The following HERC2 variants were observed in gnomAD, a reference collection of about 807,000 sequenced individuals.
HERC2 encodes E3 ubiquitin-protein ligase HERC2.
A neutral mutation model predicts 537.7 loss-of-function variants in HERC2; 102 were observed. The observed-to-expected ratio is 0.19, with a 90% CI of 0.16 to 0.22. The LOEUF (loss-of-function observed/expected upper bound fraction) is 0.22, where lower values mean the gene tolerates loss of function less well. Among genes scored for constraint, HERC2 ranks in the 10% least tolerant of loss-of-function variants. The probability of loss-of-function intolerance (pLI) is 1.00; values close to 1 mark genes in which losing one functional copy is unlikely to be tolerated. For missense variants in HERC2, 4,236 were observed against 6,198.2 expected, an observed-to-expected ratio of 0.68 and a Z score of 10.63; for synonymous variants, 2,224 against 2,466.2, an observed-to-expected ratio of 0.90 and a Z score of 2.91.
intron 38 of HERC2, among the ~76,000 whole-genome samples, chr15:28,218,106 T>A (rs1018169953): frequency 1.3e-5 from 2 of 151,250 alleles, no homozygotes; most frequent in African/African-American, 4.9e-5. Flanking sequence ...TTTGATGAGG[T>A]TGAATGATGT....
Position 28,229,683 on chromosome 15 carries a change from T to G in HERC2, c.4974A>C (p.Leu1658=). The G allele has an allele frequency of 6.2e-7, 1 of 1,611,972 alleles. No homozygotes were observed. Residue 1658 remains leucine, a synonymous_variant, in exon 32 of 93, where the codon CTA becomes CTC. Coordinates refer to ENST00000261609, the MANE Select transcript of HERC2 (RefSeq NM_004667.6). ...PVDVEKMRKC[L]LKQLERAEVR... Reference sequence around the variant, plus strand: ...TCTCATCAAATGTTACCTGTTTTAGTAGGCACTTTCTCATTTTTTCCACAT... The same window carrying G: ...TCTCATCAAATGTTACCTGTTTTAGGAGGCACTTTCTCATTTTTTCCACAT...
At chr15:28,208,103 T>C (rs1186191578) in intron 44 of HERC2, among the ~76,000 whole-genome samples, 3 of 152,206 alleles carry the variant, frequency 2.0e-5, no homozygotes, top group African/African-American at 7.2e-5. Context: ...AACTGGGAAA[T>C]CTTCATGTTC....
rs558450056 is a variant in HERC2 at position 28,215,653 on chromosome 15, C to G, written c.6178G>C (p.Ala2060Pro). 2 of 1,611,034 alleles carry G rather than the reference C, an allele frequency of 1.2e-6. No homozygotes were observed. The highest frequency in any genetic ancestry group is 1.3e-5 in the African/African-American group (1 of 74,858). ...TLLMKVVEGH[A>P]PFTATSLQRQ... ...TGCAGCGAGGTGGCAGTGAAGGGTGCGTGCCCTTCCACGACCTTCATGAGC... is the reference window on the plus strand; with the variant it reads ...TGCAGCGAGGTGGCAGTGAAGGGTGGGTGCCCTTCCACGACCTTCATGAGC... The change falls in exon 39 of 93, where the codon GCA (alanine) becomes CCA (proline). Residue 2060 changes from alanine to proline, a missense_variant. This residue lies in a region of HERC2 where 365 missense variants were observed against 468.8 expected (regional missense o/e 0.78). Coordinates refer to ENST00000261609, the MANE Select transcript of HERC2 (RefSeq NM_004667.6).
At chr15:28,152,169 C>T (rs1412339799) in intron 70 of HERC2, among the ~76,000 whole-genome samples, 3 of 152,226 alleles carry the variant, frequency 2.0e-5, no homozygotes, top group Non-Finnish European at 4.4e-5. Context: ...GCCTGAGGAA[C>T]ACACTGAACA....
chr15:28,208,817 T>A (rs553438339), intron 44 of HERC2, among the ~76,000 whole-genome samples: 10 of 152,188 alleles, frequency 6.6e-5, no homozygotes, highest in African/African-American at 2.4e-4. Flanking sequence ...TGGCTCCAGA[T>A]GCCTGTGGAA....
chr15:28,299,121 G>A (rs2076551572), intron 3 of HERC2, among the ~76,000 whole-genome samples: 1 of 152,014 alleles, frequency 6.6e-6, no homozygotes, highest in South Asian at 2.1e-4. Context: ...GCATTTCCTT[G>A]CAGGCCAAAG....
intron 2 of HERC2, among the ~76,000 whole-genome samples, chr15:28,310,590 G>A (rs1190092893): frequency 6.6e-6 from 1 of 152,200 alleles, no homozygotes; most frequent in East Asian, 1.9e-4. Flanking sequence ...GGAGGGCAGT[G>A]AATACGTGCA....
chr15:28,305,051 T>C (rs1422464855), intron 2 of HERC2, among the ~76,000 whole-genome samples: 2 of 149,234 alleles, frequency 1.3e-5, no homozygotes, highest in Non-Finnish European at 3.0e-5. Context: ...GAACTCATCA[T>C]TTTTTATGGC....
intron 86 of HERC2, among the ~76,000 whole-genome samples, chr15:28,120,283 C>A (rs1888735803): frequency 6.6e-6 from 1 of 152,240 alleles, no homozygotes; most frequent in African/African-American, 2.4e-5. Flanking sequence ...AGCTGTCCAA[C>A]AAAGGACAAG....
At position 28,216,750 on chromosome 15, in the gene HERC2, C is replaced by T. The variant is rs1299512733; in HGVS notation, c.6029-948G>A. 4.0e-5 allele frequency among the ~76,000 whole-genome samples: 6 copies of T among 148,414 alleles called. No individual in the cohort carries two copies. The East Asian group carries it at 1.2e-3, about 29-fold the overall frequency. ...CTTTCAGGTGCACTCACACCACTGT[C>T]GCAATCACTAACACACACACAATCC... is the stretch of plus-strand genomic sequence containing the variant. On this transcript the variant is annotated intron_variant, in intron 38 of 92. Coordinates refer to ENST00000261609, the MANE Select transcript of HERC2 (RefSeq NM_004667.6).
At chr15:28,201,287 C>A (rs534906273) in intron 48 of HERC2, among the ~76,000 whole-genome samples, 169 bp downstream of exon 48, 1 of 152,346 alleles carries the variant, frequency 6.6e-6, no homozygotes, top group African/African-American at 2.4e-5. Flanking sequence ...GGGTACACAG[C>A]ACCTTCTAGC....
rs950139002 is a variant in HERC2 at position 28,293,153 on chromosome 15, A to G, written c.188-131T>C. 3.9e-6 allele frequency: 3 copies of G among 763,218 alleles called. No individual in the cohort carries two copies. The African/African-American group carries it at 5.3e-5, about 13-fold the overall frequency. The allele number at this position is 763,218 out of a possible 1,614,324, so 47.3% of individuals were successfully genotyped here. A position where few individuals can be genotyped will look rare whatever the true frequency, so the allele number is the denominator to read the frequency against. On this transcript the variant is annotated intron_variant, in intron 3 of 92. Transcript: ENST00000261609. ...GAATGTTGGACAACGTAAAAATAAA[A>G]TACATCAATCATACCTGTAACAGAC...
At chr15:28,166,217 G>A (rs971249229) in intron 68 of HERC2, among the ~76,000 whole-genome samples, 1 of 151,974 alleles carries the variant, frequency 6.6e-6, no homozygotes, top group Non-Finnish European at 1.5e-5. Context: ...GACATCACAA[G>A]AAAACTACAG....
chr15:28,280,185 T>C lies in HERC2; in HGVS notation c.425A>G (p.Gln142Arg), dbSNP rs2075986161. ...TTTLSALRLKQRLVILERYFI... is the reference protein window; with the variant it reads ...TTTLSALRLKRRLVILERYFI... ...ATAGCGCTCCAAGATCACCAGCCTC[T>C]GCTTGAGTCGCAGGGCTGAGAGGGT... Residue 142 changes from glutamine to arginine, a missense_variant, in exon 5 of 93, where the codon CAG (glutamine) becomes CGG (arginine). By Grantham distance (43) the Gln-to-Arg change is conservative. Transcript: ENST00000261609. 3 of 1,614,168 alleles carry C rather than the reference T, an allele frequency of 1.9e-6. No individual in the cohort carries two copies. Among genetic ancestry groups the C allele is most frequent in the Non-Finnish European group, 2.5e-6 (3 of 1,180,002 alleles).
At chr15:28,275,078 A>C in intron 5 of HERC2, 73 bp from the exon 6 acceptor site, 1 of 897,334 alleles carries the variant, frequency 1.1e-6, no homozygotes, top group Non-Finnish European at 1.8e-6. Context: ...AATCAATACT[A>C]TGAAAGGGTG....
chr15:28,225,598 T>C lies in HERC2; in HGVS notation c.5464+2620A>G, dbSNP rs571241243. On this transcript the variant is annotated intron_variant, in intron 35 of 92. Coordinates refer to ENST00000261609, the MANE Select transcript of HERC2 (RefSeq NM_004667.6). ...CTGTAGTCCCAGCTACTCGGGAGGC[T>C]GAGGCAGGAGAATCACTTGAACCCG... Among the ~76,000 whole-genome samples the C allele has an allele frequency of 4.1e-3, 597 of 147,304 alleles. 2 individuals are homozygous for C. Among genetic ancestry groups the C allele is most frequent in the Non-Finnish European group, 5.8e-3 (391 of 67,604 alleles).
intron 65 of HERC2, among the ~76,000 whole-genome samples, chr15:28,169,905 A>G (rs1324460221): frequency 6.6e-6 from 1 of 152,260 alleles, no homozygotes; most frequent in Non-Finnish European, 1.5e-5. Flanking sequence ...TATAAAATGC[A>G]CTTACAACAG....
chr15:28,220,389 G>T, intron 37 of HERC2, 63 bp downstream of exon 37: 3 of 1,440,326 alleles, frequency 2.1e-6, no homozygotes, highest in Non-Finnish European at 2.9e-6. Flanking sequence ...TGACAGTGGT[G>T]GCAGCCAGCA....
intron 37 of HERC2, among the ~76,000 whole-genome samples, chr15:28,219,481 C>T (rs534480609): frequency 6.6e-6 from 1 of 152,318 alleles, no homozygotes; most frequent in African/African-American, 2.4e-5. Flanking sequence ...CACATCCGCC[C>T]TCAGGGACAG....
Sources: gnomAD v4.1 joint callset for allele counts (sites outside exome capture counted in the v4.1 genomes callset) on GRCh38, gnomAD v4.1.1 for gene constraint, gnomAD v4.1.1 regional missense constraint, MANE v1.5 for transcripts, NCBI Gene and HGNC (gene_info 2026-07-23, HGNC 2026-07-21) for gene names.